CDH8: variants seen among roughly 807,000 people sequenced by gnomAD.
CDH8 encodes cadherin 8, also known as cadherin-8.
CDH8 carries 17 observed loss-of-function variants against 68.1 expected under a neutral mutation model. That is an observed-to-expected ratio of 0.25 (90% CI 0.17 to 0.37). The LOEUF (loss-of-function observed/expected upper bound fraction) is 0.37, where lower values mean the gene tolerates loss of function less well. Ranked by LOEUF, CDH8 falls within the 10% of genes least tolerant of loss-of-function variation. The probability of loss-of-function intolerance (pLI) is 1.00; values close to 1 mark genes in which losing one functional copy is unlikely to be tolerated. For synonymous variants in CDH8, 372 were observed against 365.1 expected (o/e 1.02, Z -0.21); for missense variants, 763 against 999.3 (o/e 0.76, Z 3.19).
intron 2 of CDH8, among the ~76,000 whole-genome samples, chr16:61,923,738 T>TAC (rs1217971140): frequency 6.8e-5 from 10 of 148,002 alleles, no homozygotes; most frequent in Admixed American, 3.4e-4. Context: ...TATATATATA[T>TAC]ACATCACATG....
chr16:61,918,187 GCCC>G (rs1964280254), intron 2 of CDH8: 1 of 151,838 alleles, frequency 6.6e-6, no homozygotes, highest in Admixed American at 6.6e-5. Context: ...TTAACTCTCA[GCCC>G]TATGTACTTA....
intron 8 of CDH8, among the ~76,000 whole-genome samples, chr16:61,767,173 G>A (rs908276379): frequency 2.0e-5 from 3 of 151,904 alleles, no homozygotes; most frequent in African/African-American, 4.8e-5. Context: ...CCATTTCTAA[G>A]TAAAATAATC....
At chr16:61,804,231 C>T (rs955669425) in intron 7 of CDH8, among the ~76,000 whole-genome samples, 45 of 151,304 alleles carry the variant, frequency 3.0e-4, no homozygotes, top group Middle Eastern at 3.4e-3. Context: ...GGGTACGTAA[C>T]GAAATGAAGG....
chr16:61,999,005 A>T (rs16964151), intron 2 of CDH8, among the ~76,000 whole-genome samples: 1 of 152,256 alleles, frequency 6.6e-6, no homozygotes, highest in South Asian at 2.1e-4. Flanking sequence ...GTTAAGTACA[A>T]GAGTCTCATT....
chr16:61,879,112 T>C (rs1963519264), intron 3 of CDH8, among the ~76,000 whole-genome samples: 1 of 152,176 alleles, frequency 6.6e-6, no homozygotes, highest in African/African-American at 2.4e-5. Context: ...ACAAATTAGT[T>C]TCCTCGAAGG....
intron 10 of CDH8, among the ~76,000 whole-genome samples, chr16:61,660,000 G>A (rs1239169686): frequency 6.6e-6 from 1 of 152,110 alleles, no homozygotes; most frequent in African/African-American, 2.4e-5. Context: ...AGGGGAAAAG[G>A]CAATCAAGGA....
chr16:61,912,616 G>T (rs1272847292), intron 2 of CDH8, among the ~76,000 whole-genome samples: 1 of 152,024 alleles, frequency 6.6e-6, no homozygotes, highest in Admixed American at 6.6e-5. Context: ...ACTAACTAAA[G>T]AAATTCTCAA....
chr16:61,852,094 C>A (rs1404228811), intron 4 of CDH8, among the ~76,000 whole-genome samples: 1 of 152,084 alleles, frequency 6.6e-6, no homozygotes, highest in Admixed American at 6.6e-5. Context: ...ATAATGTATG[C>A]AAACCCAGTT....
intron 4 of CDH8, among the ~76,000 whole-genome samples, chr16:61,837,149 C>G (rs1048222371): frequency 6.6e-6 from 1 of 151,742 alleles, no homozygotes; most frequent in African/African-American, 2.4e-5. Flanking sequence ...CCTCCTCCTC[C>G]TCCCCTTATG....
chr16:61,715,068 G>C (rs1202361365), intron 9 of CDH8, among the ~76,000 whole-genome samples: 3 of 151,544 alleles, frequency 2.0e-5, no homozygotes, highest in Non-Finnish European at 3.0e-5. Context: ...CATGTTATAT[G>C]ATAGGCAATT....
chr16:61,706,620 C>CAAAACA (rs1964539327), intron 10 of CDH8, among the ~76,000 whole-genome samples: 2 of 60,402 alleles, frequency 3.3e-5, no homozygotes, highest in Non-Finnish European at 6.0e-5. Context: ...GACTCTGTCT[C>CAAAACA]AAAAAAAAAA....
intron 8 of CDH8, among the ~76,000 whole-genome samples, chr16:61,728,604 C>A (rs180687971): frequency 0.023 from 3,524 of 151,204 alleles, 69 homozygotes; most frequent in Non-Finnish European, 0.035. Flanking sequence ...TCTAAATAGA[C>A]ATTTAACTTA....
At chr16:61,670,821 C>T (rs1963776231) in intron 10 of CDH8, among the ~76,000 whole-genome samples, 1 of 151,796 alleles carries the variant, frequency 6.6e-6, no homozygotes, top group South Asian at 2.1e-4. Context: ...AAGGTGTGGA[C>T]AAGCTTGACA....
intron 1 of CDH8, among the ~76,000 whole-genome samples, chr16:62,032,230 G>T (rs1902344504): frequency 6.6e-6 from 1 of 152,090 alleles, no homozygotes; most frequent in East Asian, 1.9e-4. Flanking sequence ...AATAATCTAA[G>T]GCAGATGAAA....
At chr16:61,981,646 G>T (rs1965530321) in intron 2 of CDH8, among the ~76,000 whole-genome samples, 1 of 145,190 alleles carries the variant, frequency 6.9e-6, no homozygotes, top group Admixed American at 6.9e-5. Flanking sequence ...ACCTTGAAAA[G>T]AATGTGTGTG....
chr16:61,927,693 C>T (rs1033685391), intron 2 of CDH8, among the ~76,000 whole-genome samples: 14 of 152,254 alleles, frequency 9.2e-5, no homozygotes, highest in Middle Eastern at 3.4e-3. Flanking sequence ...CAGGTGGCAC[C>T]TAATGGCCCA....
chr16:61,677,301 G>A (rs1380139928), intron 10 of CDH8, among the ~76,000 whole-genome samples: 1 of 150,668 alleles, frequency 6.6e-6, no homozygotes, highest in Admixed American at 6.7e-5. Context: ...GCCTATGTGA[G>A]GAAGATAAAA....
rs560034260 is a variant in CDH8 at position 61,742,997 on chromosome 16, T to G, written c.1415-15782A>C. On this transcript the variant is annotated intron_variant, in intron 8 of 11. Coordinates refer to ENST00000577390, the MANE Select transcript of CDH8 (RefSeq NM_001796.5). Reference sequence around the variant, plus strand: ...TTTATGCCATTTTGCAAAGCCTGCGTTTTTAAACTCGCCTCTATCACAATA... The same window carrying G: ...TTTATGCCATTTTGCAAAGCCTGCGGTTTTAAACTCGCCTCTATCACAATA... 5.3e-5 allele frequency among the ~76,000 whole-genome samples: 8 copies of G among 152,306 alleles called. 1 individual carries two copies. In the South Asian group the frequency reaches 1.7e-3, roughly 32 times the overall value.
chr16:61,969,588 T>C (rs1449538724), intron 2 of CDH8, among the ~76,000 whole-genome samples: 6 of 152,190 alleles, frequency 3.9e-5, no homozygotes, highest in African/African-American at 1.4e-4. Flanking sequence ...ATATTAGATA[T>C]TATATTATTT....
Sources: allele counts gnomAD v4.1 joint callset (sites outside exome capture counted in the v4.1 genomes callset), GRCh38; gene constraint gnomAD v4.1.1; transcripts MANE v1.5; gene names NCBI Gene and HGNC (gene_info 2026-07-23, HGNC 2026-07-21).